ZFHX3: variants seen among roughly 807,000 people sequenced by gnomAD.
The protein encoded by ZFHX3 is zinc finger homeobox 3, also known as zinc finger homeobox protein 3.
Under a neutral mutation model 279.1 loss-of-function variants are expected in ZFHX3, and 42 were observed. The observed-to-expected ratio is 0.15, with a 90% CI of 0.12 to 0.19. ZFHX3 has a LOEUF of 0.19. Among genes scored for constraint, ZFHX3 ranks in the 10% least tolerant of loss-of-function variants. The pLI is 1.00. For missense variants in ZFHX3, 4,981 were observed against 4,754.0 expected (o/e 1.05, Z -1.40); for synonymous variants, 2,293 against 1,957.8 (o/e 1.17, Z -4.52).
At chr16:73,093,548 A>G (rs762097119) in exon 8 of ZFHX3, 1 of 511,230 alleles carries the variant, frequency 2.0e-6, no homozygotes, top group Non-Finnish European at 3.9e-6. Context: ...ACAAGCCTGG[A>G]GCCCAGCCAT....
intron 2 of ZFHX3, among the ~76,000 whole-genome samples, chr16:73,635,597 T>C (rs2052520631): frequency 6.6e-6 from 1 of 152,158 alleles, no homozygotes; most frequent in African/African-American, 2.4e-5. Context: ...CCTATTCTCC[T>C]TTCAAAGCTA....
At chr16:73,317,614 C>A (rs2015481021) in intron 4 of ZFHX3, among the ~76,000 whole-genome samples, 1 of 152,148 alleles carries the variant, frequency 6.6e-6, no homozygotes, top group Non-Finnish European at 1.5e-5. Flanking sequence ...TGCATCACTG[C>A]TGGGGTTATG....
intron 1 of ZFHX3, among the ~76,000 whole-genome samples, chr16:73,713,543 G>A (rs577742859): frequency 1.3e-5 from 2 of 152,128 alleles, no homozygotes; most frequent in South Asian, 4.2e-4. Flanking sequence ...GGAATTGCAG[G>A]CACATACTCC....
At chr16:73,307,342 C>A (rs191954856) in intron 4 of ZFHX3, among the ~76,000 whole-genome samples, 39 of 152,300 alleles carry the variant, frequency 2.6e-4, no homozygotes, top group Admixed American at 1.8e-3. Flanking sequence ...GTGGAGAAGC[C>A]AGAAAAATGT....
At chr16:72,864,968 C>A (rs2037978088) in intron 4 of ZFHX3, among the ~76,000 whole-genome samples, 1 of 152,182 alleles carries the variant, frequency 6.6e-6, no homozygotes, top group African/African-American at 2.4e-5. Context: ...GCATTTCCAG[C>A]CAGGATAGCC....
At chr16:73,566,396 T>G (rs1165937249) in intron 2 of ZFHX3, among the ~76,000 whole-genome samples, 3 of 152,222 alleles carry the variant, frequency 2.0e-5, no homozygotes, top group East Asian at 3.8e-4. Context: ...CTGATAGTTC[T>G]GGAAGGCAGA....
rs746449608 is a variant in ZFHX3 at position 73,465,961 on chromosome 16, C to G, written c.-1546-9703G>C. Among the ~76,000 whole-genome samples the G allele has an allele frequency of 2.0e-5, 3 of 151,608 alleles. No individual in the cohort carries two copies. In the South Asian group the frequency reaches 6.2e-4, roughly 31 times the overall value. On this transcript the variant is annotated intron_variant, in intron 2 of 17. Transcript: ENST00000641206. ...ACCCCACCCCCTCACCTCTAAGCCA[C>G]GGTTTCTCAAACTGGAAGAATGCAC...
intron 3 of ZFHX3, among the ~76,000 whole-genome samples, chr16:73,330,121 C>G (rs545916235): frequency 3.3e-5 from 5 of 152,028 alleles, no homozygotes; most frequent in African/African-American, 1.2e-4. Flanking sequence ...TATGAGCAGG[C>G]GCTCCAACAG....
intron 2 of ZFHX3, chr16:73,543,872 GA>G: frequency 6.7e-6 from 1 of 148,718 alleles, no homozygotes; most frequent in African/African-American, 2.6e-5. Context: ...GAGGGAGAGA[GA>G]GAGCGAGAGA....
intron 5 of ZFHX3, among the ~76,000 whole-genome samples, chr16:73,217,319 G>A (rs893313806): frequency 2.0e-5 from 3 of 152,150 alleles, no homozygotes; most frequent in African/African-American, 7.2e-5. Context: ...TGGAGAAGTG[G>A]AACATGACCG....
chr16:72,837,474 A>ATT (rs761762599), intron 4 of ZFHX3, among the ~76,000 whole-genome samples: 3,345 of 125,112 alleles, frequency 0.027, 324 homozygotes, highest in East Asian at 0.23. Flanking sequence ...TCCAATGATG[A>ATT]TTTTTTTTTT....
At chr16:72,865,051 G>A (rs2037981069) in intron 4 of ZFHX3, among the ~76,000 whole-genome samples, 1 of 152,178 alleles carries the variant, frequency 6.6e-6, no homozygotes, top group Admixed American at 6.5e-5. Flanking sequence ...TTGCATTCCT[G>A]CCTACTGTCA....
chr16:73,078,838 G>A (rs1006337619), intron 8 of ZFHX3, among the ~76,000 whole-genome samples: 13 of 151,696 alleles, frequency 8.6e-5, no homozygotes, highest in African/African-American at 3.1e-4. Flanking sequence ...TAGAGACGGG[G>A]TTTCACCATC....
intron 7 of ZFHX3, among the ~76,000 whole-genome samples, chr16:73,110,982 C>A (rs1966365928): frequency 6.6e-6 from 1 of 152,072 alleles, no homozygotes; most frequent in South Asian, 2.1e-4. Flanking sequence ...ACTCTGTTGC[C>A]CAGGCCAGAG....
chr16:72,899,853 T>G (rs1216805752), intron 3 of ZFHX3, among the ~76,000 whole-genome samples: 3 of 152,194 alleles, frequency 2.0e-5, no homozygotes, highest in Non-Finnish European at 4.4e-5. Context: ...CTAATGTTAT[T>G]TTTCATCAGT....
chr16:73,771,134 T>C (rs1388899137), intron 1 of ZFHX3, among the ~76,000 whole-genome samples: 1 of 152,084 alleles, frequency 6.6e-6, no homozygotes, highest in Non-Finnish European at 1.5e-5. Context: ...GACGGGAAAA[T>C]GCAGGAGATG....
At chr16:73,628,726 A>G (rs1434248434) in intron 2 of ZFHX3, among the ~76,000 whole-genome samples, 1 of 152,188 alleles carries the variant, frequency 6.6e-6, no homozygotes, top group African/African-American at 2.4e-5. Flanking sequence ...ATTTCTTTCC[A>G]TTGCGTTTAT....
chr16:73,553,838 G>T (rs1486042684), intron 2 of ZFHX3, among the ~76,000 whole-genome samples: 1 of 152,164 alleles, frequency 6.6e-6, no homozygotes, highest in Non-Finnish European at 1.5e-5. Flanking sequence ...CCCACCTAGG[G>T]GGTCTAAGGA....
rs778583052 is a variant in ZFHX3 at position 73,810,566 on chromosome 16, G to A, written c.-1608+81085C>T. On this transcript the variant is annotated intron_variant, in intron 1 of 17. Transcript: ENST00000641206. Reference sequence around the variant, plus strand: ...GCACTTTATAGAGAGTTTGTAAAGCGCTTTCACACATTCATTATCTTATTT... The same window carrying A: ...GCACTTTATAGAGAGTTTGTAAAGCACTTTCACACATTCATTATCTTATTT... 3.9e-5 allele frequency among the ~76,000 whole-genome samples: 6 copies of A among 152,106 alleles called. No homozygotes were observed. The East Asian group carries it at 5.8e-4, about 15-fold the overall frequency.
Sources: gnomAD v4.1 joint callset for allele counts (sites outside exome capture counted in the v4.1 genomes callset) on GRCh38, gnomAD v4.1.1 for gene constraint, MANE v1.5 for transcripts, NCBI Gene and HGNC (gene_info 2026-07-23, HGNC 2026-07-21) for gene names.